Variants in MACROD2 observed in about 807,000 individuals in gnomAD.
The protein encoded by MACROD2 is mono-ADP ribosylhydrolase 2, also known as ADP-ribose glycohydrolase MACROD2.
In MACROD2, 36 loss-of-function variants were observed where a neutral mutation model predicts 70.4. The ratio of observed to expected loss-of-function variants is 0.51; its 90% confidence interval spans 0.39 to 0.68. The LOEUF is 0.68. Among genes scored for constraint, MACROD2 ranks in the 30% least tolerant of loss-of-function variants. The pLI is 0.00. For missense variants in MACROD2, 496 were observed against 538.4 expected, an observed-to-expected ratio of 0.92 and a Z score of 0.78; for synonymous variants, 172 against 178.8, an observed-to-expected ratio of 0.96 and a Z score of 0.30.
intron 3 of MACROD2, among the ~76,000 whole-genome samples, chr20:14,339,480 A>G (rs2082990444): frequency 6.6e-6 from 1 of 152,234 alleles, no homozygotes; most frequent in African/African-American, 2.4e-5. Context: ...GTTCTGTTTA[A>G]AAAAGAAAAT....
intron 8 of MACROD2, among the ~76,000 whole-genome samples, chr20:15,580,852 A>AT (rs1205648227): frequency 1.3e-5 from 2 of 152,238 alleles, no homozygotes; most frequent in East Asian, 1.9e-4. Flanking sequence ...TTAGTAAATG[A>AT]TTTTTAGGGG....
chr20:16,018,068 C>T lies in MACROD2; in HGVS notation c.1154-23133C>T, dbSNP rs556194888. ...AAGCTACAGAAAGGCCTTTAGCCCT[C>T]TTCATCAAATTCATTTCACTTGAGA... is the stretch of plus-strand genomic sequence containing the variant. On this transcript the variant is annotated intron_variant, in intron 15 of 17. Transcript: ENST00000684519. Among the ~76,000 whole-genome samples the T allele has an allele frequency of 2.6e-5, 4 of 152,270 alleles. No individual in the cohort carries two copies. The South Asian group carries it at 8.3e-4, about 32-fold the overall frequency.
intron 15 of MACROD2, among the ~76,000 whole-genome samples, chr20:16,032,856 A>G (rs73111749): frequency 6.6e-6 from 1 of 151,734 alleles, no homozygotes; most frequent in Non-Finnish European, 1.5e-5. Context: ...AAGGAAAATG[A>G]GGAAAAGGTA....
intron 3 of MACROD2, among the ~76,000 whole-genome samples, chr20:14,320,924 A>G (rs1246913106): frequency 1.1e-4 from 17 of 152,102 alleles, no homozygotes; most frequent in Admixed American, 7.9e-4. Flanking sequence ...CACCTATCCT[A>G]TCTCCTTCAT....
chr20:14,940,404 C>G (rs181964715), intron 5 of MACROD2, among the ~76,000 whole-genome samples: 297 of 152,078 alleles, frequency 2.0e-3, no homozygotes, highest in Non-Finnish European at 1.3e-4. Context: ...TTTATCTTGC[C>G]CAAGTGCTTT....
At chr20:14,259,675 G>A (rs528591026) in intron 3 of MACROD2, among the ~76,000 whole-genome samples, 2 of 152,126 alleles carry the variant, frequency 1.3e-5, no homozygotes, top group East Asian at 3.9e-4. Flanking sequence ...TCAGGGAGCT[G>A]CTGGCCTAAT....
rs555586472 is a variant in MACROD2, at chr20:14,389,127, G to A, written c.272-104352G>A. Among the ~76,000 whole-genome samples, 621 of 152,052 alleles carry A rather than the reference G, an allele frequency of 4.1e-3. 4 individuals carry two copies. The highest frequency in any genetic ancestry group is 9.6e-3 in the South Asian group (46 of 4,800). ...ACTCCTGACCTCAGGTGATCCGCTC[G>A]CCTCGGCCTTCCAAAGTGCTGGGAT... On this transcript the variant is annotated intron_variant, in intron 3 of 17. Coordinates refer to ENST00000684519, the MANE Select transcript of MACROD2 (RefSeq NM_001351661.2).
chr20:15,261,198 G>A (rs527344407), intron 6 of MACROD2, among the ~76,000 whole-genome samples: 14 of 151,870 alleles, frequency 9.2e-5, no homozygotes, highest in South Asian at 6.2e-4. Flanking sequence ...GTTGGCAGTC[G>A]ATCATTGGAT....
At chr20:14,310,620 T>A (rs1016401175) in intron 3 of MACROD2, among the ~76,000 whole-genome samples, 15 of 152,176 alleles carry the variant, frequency 9.9e-5, no homozygotes, top group Admixed American at 2.0e-4. Flanking sequence ...CTATACTTTT[T>A]TTTATTTATT....
intron 5 of MACROD2, among the ~76,000 whole-genome samples, chr20:14,941,206 G>A (rs2074386698): frequency 6.6e-6 from 1 of 152,046 alleles, no homozygotes; most frequent in Admixed American, 6.6e-5. Context: ...TAATAATTCT[G>A]TAGTCTCAGT....
At chr20:14,916,784 G>T (rs1358892361) in intron 5 of MACROD2, among the ~76,000 whole-genome samples, 2 of 152,112 alleles carry the variant, frequency 1.3e-5, no homozygotes, top group African/African-American at 2.4e-5. Context: ...TCTTTTCCAT[G>T]TAAGTATAAT....
intron 5 of MACROD2, among the ~76,000 whole-genome samples, chr20:14,950,582 T>C (rs1405668610): frequency 6.6e-6 from 1 of 152,118 alleles, no homozygotes; most frequent in East Asian, 1.9e-4. Flanking sequence ...TTAGGTATTA[T>C]TTTGTTTTGT....
chr20:14,744,378 T>G (rs1303714914), intron 5 of MACROD2, among the ~76,000 whole-genome samples: 1 of 152,208 alleles, frequency 6.6e-6, no homozygotes, highest in Non-Finnish European at 1.5e-5. Context: ...AACATATTGT[T>G]TGGAAGTATA....
At chr20:15,799,955 G>T (rs563620129) in intron 8 of MACROD2, among the ~76,000 whole-genome samples, 18 of 149,386 alleles carry the variant, frequency 1.2e-4, no homozygotes, top group African/African-American at 4.0e-4. Context: ...TCTTTTTTTC[G>T]TCTGTTCATT....
chr20:14,715,334 A>C (rs552727126), intron 5 of MACROD2, among the ~76,000 whole-genome samples: 1 of 152,342 alleles, frequency 6.6e-6, no homozygotes, highest in East Asian at 1.9e-4. Context: ...CTACAGTTCA[A>C]GATGAGATTT....
chr20:15,235,079 T>C (rs1040370024), intron 6 of MACROD2, among the ~76,000 whole-genome samples: 1 of 152,216 alleles, frequency 6.6e-6, no homozygotes, highest in Admixed American at 6.5e-5. Flanking sequence ...TTGTCAATCA[T>C]ATTAGGTATT....
intron 5 of MACROD2, among the ~76,000 whole-genome samples, chr20:14,933,031 G>A (rs1234818094): frequency 2.0e-5 from 3 of 151,862 alleles, no homozygotes; most frequent in Non-Finnish European, 2.9e-5. Context: ...AAGTATTAAC[G>A]AAATAGAAAG....
At chr20:14,107,160 G>A (rs1416210994) in intron 3 of MACROD2, among the ~76,000 whole-genome samples, 3 of 152,082 alleles carry the variant, frequency 2.0e-5, no homozygotes, top group Non-Finnish European at 4.4e-5. Flanking sequence ...CACAGAGAAG[G>A]AATTCAAAAT....
chr20:14,698,786 T>C (rs2071158051), intron 5 of MACROD2, among the ~76,000 whole-genome samples: 1 of 148,956 alleles, frequency 6.7e-6, no homozygotes, highest in Non-Finnish European at 1.5e-5. Flanking sequence ...AATTAAATAA[T>C]TACATTTAAT....
Sources: gnomAD v4.1 joint callset for allele counts (sites outside exome capture counted in the v4.1 genomes callset) on GRCh38, gnomAD v4.1.1 for gene constraint, MANE v1.5 for transcripts, NCBI Gene and HGNC (gene_info 2026-07-23, HGNC 2026-07-21) for gene names.